Variants in HSD17B4 observed in about 807,000 individuals in gnomAD.
HSD17B4 encodes the protein peroxisomal multifunctional enzyme type 2.
A neutral mutation model predicts 101.0 loss-of-function variants in HSD17B4; 70 were observed. That is an observed-to-expected ratio of 0.69 (90% CI 0.57 to 0.85). The LOEUF is 0.85. HSD17B4 is among the 40% of genes least tolerant of loss of function. HSD17B4 has a pLI of 0.00. For missense variants in HSD17B4, 984 were observed against 892.4 expected (o/e 1.10, Z -1.31); for synonymous variants, 347 against 297.1 (o/e 1.17, Z -1.73).
At chr5:119,519,111 C>T (rs1290068859) in intron 17 of HSD17B4, among the ~76,000 whole-genome samples, 3 of 152,162 alleles carry the variant, frequency 2.0e-5, no homozygotes, top group African/African-American at 7.2e-5. Context: ...GCACTCCAGT[C>T]TAGGTAACAG....
At chr5:119,531,189 G>C in intron 21 of HSD17B4, 77 bp from the exon 22 acceptor site, 1 of 1,438,392 alleles carries the variant, frequency 7.0e-7, no homozygotes, top group Non-Finnish European at 9.7e-7. Flanking sequence ...TCTTTTTTTT[G>C]CACATGTTTT....
rs752228475 is a variant in HSD17B4, at chr5:119,489,715, G to A, written c.714+432G>A. On this transcript the variant is annotated intron_variant, in intron 9 of 23. Coordinates refer to ENST00000510025, the MANE Select transcript of HSD17B4 (RefSeq NM_000414.4). ...TCATATTTTAAACCCTTGGCATAAG[G>A]CCTAATACATAGCACTCAACCACCA... 5.9e-5 allele frequency among the ~76,000 whole-genome samples: 9 copies of A among 152,100 alleles called. No individual in the cohort carries two copies. In the East Asian group the frequency reaches 7.7e-4, roughly 13 times the overall value.
At chr5:119,471,435 T>C (rs181888560) in intron 2 of HSD17B4, among the ~76,000 whole-genome samples, 1 of 152,292 alleles carries the variant, frequency 6.6e-6, no homozygotes, top group East Asian at 1.9e-4. Context: ...TTAGCTAATT[T>C]TAGGCATTGG....
chr5:119,530,890 A>C (rs2126894576), intron 21 of HSD17B4, among the ~76,000 whole-genome samples: 1 of 150,000 alleles, frequency 6.7e-6, no homozygotes, highest in Admixed American at 6.7e-5. Flanking sequence ...CCCAAAACTT[A>C]AGTTTTAGAG....
intron 17 of HSD17B4, among the ~76,000 whole-genome samples, chr5:119,518,472 T>C (rs1463232016): frequency 6.6e-6 from 1 of 152,196 alleles, no homozygotes; most frequent in African/African-American, 2.4e-5. Flanking sequence ...AAGGGTTCGA[T>C]AGTAAGAATG....
At chr5:119,509,060 G>A in intron 15 of HSD17B4, 81 bp from the exon 16 acceptor site, 1 of 803,022 alleles carries the variant, frequency 1.2e-6, no homozygotes, top group Non-Finnish European at 2.2e-6. Flanking sequence ...ACCTTGACAG[G>A]AATTGTTGAA....
At chr5:119,525,137 C>G (rs1753463972) in intron 17 of HSD17B4, 79 bp from the exon 18 acceptor site, 3 of 919,350 alleles carry the variant, frequency 3.3e-6, no homozygotes, top group Non-Finnish European at 5.4e-6. Context: ...ATACCAATAA[C>G]CAGCCATGTT....
intron 8 of HSD17B4, among the ~76,000 whole-genome samples, 155 bp downstream of exon 8, chr5:119,479,176 T>C (rs1748881160): frequency 6.6e-6 from 1 of 152,126 alleles, no homozygotes; most frequent in Non-Finnish European, 1.5e-5. Context: ...GTGGAAAATT[T>C]AGAAAAGCAC....
chr5:119,516,200 C>T (rs1267119833), intron 17 of HSD17B4, among the ~76,000 whole-genome samples: 5 of 151,802 alleles, frequency 3.3e-5, no homozygotes, highest in Admixed American at 2.6e-4. Context: ...ATATTTTTTC[C>T]ATCCATTACT....
intron 20 of HSD17B4, 70 bp downstream of exon 20, chr5:119,527,289 G>A (rs369973413): frequency 1.1e-6 from 1 of 884,164 alleles, no homozygotes; most frequent in Non-Finnish European, 1.9e-6. Flanking sequence ...TTTTTTTTTG[G>A]TTAGTACTAT....
At chr5:119,502,697 G>A (rs1449469115) in intron 14 of HSD17B4, among the ~76,000 whole-genome samples, 1 of 152,056 alleles carries the variant, frequency 6.6e-6, no homozygotes, top group Non-Finnish European at 1.5e-5. Context: ...AAAAAGGAAT[G>A]TTTTGTTAAT....
At position 119,531,356 on chromosome 5, in the gene HSD17B4, G is replaced by C. The variant is rs1278901993; in HGVS notation, c.1945G>C (p.Val649Leu). 6.2e-7 allele frequency: 1 copy of C among 1,613,530 alleles called. No homozygotes were observed. Among genetic ancestry groups the C allele is most frequent in the Non-Finnish European group, 8.5e-7 (1 of 1,179,610 alleles). Residue 649 changes from valine (V) to leucine (L), a missense_variant, in exon 22 of 24, where the codon GTA (valine) becomes CTA (leucine). Physicochemically the swap from Val to Leu is conservative, Grantham distance 32. Transcript: ENST00000510025. ...TGAGGTGGTGAAGAAAGTAAATGCT[G>C]TATTTGAGTGGCATATAACCAAAGG... ...GPEVVKKVNA[V>L]FEWHITKGGN...
chr5:119,464,262 C>G (rs1256978466), intron 2 of HSD17B4, among the ~76,000 whole-genome samples: 4 of 152,018 alleles, frequency 2.6e-5, no homozygotes, highest in Non-Finnish European at 5.9e-5. Context: ...AATCTTTGCC[C>G]AAACCAATGT....
chr5:119,490,479 G>A (rs1010503588), intron 9 of HSD17B4, among the ~76,000 whole-genome samples: 11 of 152,170 alleles, frequency 7.2e-5, no homozygotes, highest in African/African-American at 1.9e-4. Flanking sequence ...AATAAAAATT[G>A]CCTACATTAT....
At chr5:119,454,402 C>T (rs781730534) in intron 1 of HSD17B4, among the ~76,000 whole-genome samples, 2 of 150,464 alleles carry the variant, frequency 1.3e-5, no homozygotes, top group Non-Finnish European at 3.0e-5. Context: ...AACTCCTGGG[C>T]TCAAGTGATC....
intron 2 of HSD17B4, among the ~76,000 whole-genome samples, chr5:119,466,467 T>C (rs368402058): frequency 6.6e-6 from 1 of 152,226 alleles, no homozygotes; most frequent in East Asian, 1.9e-4. Flanking sequence ...AGACTTTTTA[T>C]ACCCGCTTCA....
In HSD17B4 at chr5:119,493,733, C is replaced by G. The variant is rs969894130; in HGVS notation, c.740-85C>G. The stretch of plus-strand genomic sequence containing the variant: ...CCCTTTTTTTCTGAATTTCCTTTCT[C>G]TTTAAAAATGAAAGGGTTCTTATGC... On this transcript the variant is annotated intron_variant, in intron 10 of 23. Coordinates refer to ENST00000510025, the MANE Select transcript of HSD17B4 (RefSeq NM_000414.4). The G allele has an allele frequency of 7.1e-6, 9 of 1,267,462 alleles. No homozygotes were observed. The African/African-American group carries it at 1.3e-4, about 19-fold the overall frequency. 78.5% of individuals were successfully genotyped at this position (1,267,462 alleles called of 1,614,324 possible). A position where few individuals can be genotyped will look rare whatever the true frequency, so the allele number is the denominator to read the frequency against.
At chr5:119,523,519 G>A (rs967011123) in intron 17 of HSD17B4, among the ~76,000 whole-genome samples, 5 of 151,932 alleles carry the variant, frequency 3.3e-5, no homozygotes, top group Admixed American at 3.3e-4. Context: ...TAGTCAGTTG[G>A]CTTTTGTCAT....
rs758202102 is a variant in HSD17B4, at chr5:119,529,903, A to C, written c.1777A>C (p.Thr593Pro). ...RIHFQTKVQE[T>P]GDIVISNAYV... ...TTCTTCTCCTCCTAAGGTCCAAGAAACTGGAGACATTGTCATTTCAAATGC... is the reference window on the plus strand; with the variant it reads ...TTCTTCTCCTCCTAAGGTCCAAGAACCTGGAGACATTGTCATTTCAAATGC... The change falls in exon 21 of 24, where the codon ACT becomes CCT. Residue 593 changes from threonine (T) to proline (P), a missense_variant. Transcript: ENST00000510025. 6.3e-7 allele frequency: 1 copy of C among 1,599,710 alleles called. No individual in the cohort carries two copies. The highest frequency in any genetic ancestry group is 2.2e-5 in the East Asian group (1 of 44,742).
Sources: gnomAD v4.1 joint callset for allele counts (sites outside exome capture counted in the v4.1 genomes callset) on GRCh38, gnomAD v4.1.1 for gene constraint, MANE v1.5 for transcripts, NCBI Gene and HGNC (gene_info 2026-07-23, HGNC 2026-07-21) for gene names.